The following RXRA variants were observed in gnomAD, a reference collection of about 807,000 sequenced individuals.
The protein encoded by RXRA is retinoid X receptor alpha.
In RXRA, 5 loss-of-function variants were observed where a neutral mutation model predicts 44.5. The observed-to-expected ratio is 0.11, with a 90% CI of 0.06 to 0.24. RXRA has a LOEUF of 0.24. Among genes scored for constraint, RXRA ranks in the 10% least tolerant of loss-of-function variants. RXRA has a pLI of 1.00. For missense variants in RXRA, 412 were observed against 646.5 expected (o/e 0.64, Z 3.93); for synonymous variants, 291 against 271.4 (o/e 1.07, Z -0.71).
At chr9:134,340,944 A>T (rs1166668561) in intron 1 of RXRA, among the ~76,000 whole-genome samples, 1 of 152,168 alleles carries the variant, frequency 6.6e-6, no homozygotes. Flanking sequence ...GGCTTCCTCT[A>T]ATTGTGTGGA....
chr9:134,378,459 G>A (rs1319972280), intron 1 of RXRA, among the ~76,000 whole-genome samples: 1 of 152,242 alleles, frequency 6.6e-6, no homozygotes, highest in African/African-American at 2.4e-5. Context: ...GAGCTGGCCT[G>A]GTCCCGAAGG....
chr9:134,348,528 C>T (rs1023731882), intron 1 of RXRA, among the ~76,000 whole-genome samples: 3 of 152,160 alleles, frequency 2.0e-5, no homozygotes, highest in Non-Finnish European at 4.4e-5. Context: ...AGGCCAGTCA[C>T]GGGCAGAATG....
At chr9:134,381,882 G>A (rs1188379474) in intron 1 of RXRA, among the ~76,000 whole-genome samples, 2 of 152,144 alleles carry the variant, frequency 1.3e-5, no homozygotes, top group African/African-American at 4.8e-5. Flanking sequence ...GGGGCCCACA[G>A]GATGAGTTGG....
chr9:134,347,545 A>G (rs1830168443), intron 1 of RXRA, among the ~76,000 whole-genome samples: 1 of 152,164 alleles, frequency 6.6e-6, no homozygotes, highest in Non-Finnish European at 1.5e-5. Context: ...CCCTGTCCGG[A>G]GGAGCACAAG....
intron 6 of RXRA, chr9:134,423,891 C>T (rs1462647022): frequency 1.0e-6 from 1 of 985,260 alleles, no homozygotes; most frequent in Non-Finnish European, 1.2e-6. Context: ...CCCCAACCCA[C>T]CAGACCGATC....
At chr9:134,352,962 G>A (rs1327899711) in intron 1 of RXRA, among the ~76,000 whole-genome samples, 1 of 152,116 alleles carries the variant, frequency 6.6e-6, no homozygotes, top group African/African-American at 2.4e-5. Context: ...CTGCCTTCTG[G>A]TGCCCACTTG....
intron 1 of RXRA, among the ~76,000 whole-genome samples, chr9:134,335,361 G>A (rs1554747158): frequency 6.6e-6 from 1 of 152,234 alleles, no homozygotes; most frequent in African/African-American, 2.4e-5. Flanking sequence ...GTTGGGTTTT[G>A]AGGGATGAGT....
intron 1 of RXRA, among the ~76,000 whole-genome samples, chr9:134,362,019 T>G (rs1335526212): frequency 2.0e-5 from 3 of 152,148 alleles, no homozygotes; most frequent in African/African-American, 7.2e-5. Context: ...CTGCCATTGG[T>G]GGGAGGAGCC....
At chr9:134,374,962 G>A (rs1431358184) in intron 1 of RXRA, among the ~76,000 whole-genome samples, 1 of 152,220 alleles carries the variant, frequency 6.6e-6, no homozygotes, top group Non-Finnish European at 1.5e-5. Flanking sequence ...TGTCACAATG[G>A]AGTGGCCATG....
Position 134,426,838 on chromosome 9 carries a change from C to T in RXRA, c.911-2270C>T, listed in dbSNP as rs938203692. On this transcript the variant is annotated intron_variant, in intron 6 of 9. Coordinates refer to ENST00000481739, the MANE Select transcript of RXRA (RefSeq NM_002957.6). The surrounding 1 kb of genome is among the most constrained non-coding windows in gnomAD (Gnocchi z 4.6). Reference sequence around the variant, plus strand: ...GTTGTGCCCCAGCCCAGATCTTGTCCTCGGCCCCCTGGGTCCCTGCCCTTG... The same window carrying T: ...GTTGTGCCCCAGCCCAGATCTTGTCTTCGGCCCCCTGGGTCCCTGCCCTTG... 1 of 985,268 alleles carries T rather than the reference C, an allele frequency of 1.0e-6. No homozygotes were observed. Among genetic ancestry groups the T allele is most frequent in the Non-Finnish European group, 1.2e-6 (1 of 829,912 alleles). 61.0% of individuals were successfully genotyped at this position (985,268 alleles called of 1,614,324 possible).
chr9:134,432,770 TC>T (rs1271922868), intron 8 of RXRA, among the ~76,000 whole-genome samples: 1 of 151,946 alleles, frequency 6.6e-6, no homozygotes, highest in East Asian at 1.9e-4. Context: ...GCGGGCCACT[TC>T]CTCCGGGAGC....
intron 7 of RXRA, 77 bp downstream of exon 7, chr9:134,429,317 C>T (rs1257761566): frequency 2.1e-6 from 3 of 1,439,278 alleles, no homozygotes; most frequent in Non-Finnish European, 2.9e-6. Context: ...GCCACCTTGG[C>T]CCCGGTGCAC....
intron 1 of RXRA, among the ~76,000 whole-genome samples, chr9:134,398,972 C>CT (rs1830920823): frequency 6.6e-6 from 1 of 152,268 alleles, no homozygotes; most frequent in African/African-American, 2.4e-5. Flanking sequence ...CTTGTCCCTT[C>CT]TGCCTTGAAG....
chr9:134,362,945 G>A (rs1830370494), intron 1 of RXRA, among the ~76,000 whole-genome samples: 1 of 152,246 alleles, frequency 6.6e-6, no homozygotes, highest in Admixed American at 6.5e-5. Flanking sequence ...AGCCACCTCG[G>A]CTCCATTTGG....
At chr9:134,390,496 G>A (rs1467313471) in intron 1 of RXRA, among the ~76,000 whole-genome samples, 1 of 151,170 alleles carries the variant, frequency 6.6e-6, no homozygotes, top group African/African-American at 2.5e-5. Flanking sequence ...AGCCTGTGGG[G>A]CCTGTGGCGC....
chr9:134,424,359 T>A, intron 6 of RXRA: 1 of 985,300 alleles, frequency 1.0e-6, no homozygotes, highest in Non-Finnish European at 1.2e-6. Flanking sequence ...TTCCGGGAGA[T>A]CTCTGCGGCT....
At chr9:134,397,161 A>G (rs1395904947) in intron 1 of RXRA, among the ~76,000 whole-genome samples, 4 of 152,196 alleles carry the variant, frequency 2.6e-5, no homozygotes, top group South Asian at 4.1e-4. Flanking sequence ...ACTTTGGTCA[A>G]CAGGGTGTCC....
intron 1 of RXRA, among the ~76,000 whole-genome samples, chr9:134,338,083 A>G (rs1554747578): frequency 6.6e-6 from 1 of 152,126 alleles, no homozygotes; most frequent in African/African-American, 2.4e-5. Context: ...GCCACAGACG[A>G]CGTAGGGCTC....
rs778808988 is a variant in RXRA at position 134,408,224 on chromosome 9, G to T, written c.355G>T (p.Val119Phe). Reference protein sequence around the residue: ...PPLGLNGVLKVPAHPSGNMAS... With the variant: ...PPLGLNGVLKFPAHPSGNMAS... ...CCTGGGCCTCAATGGCGTCCTCAAG[G>T]TCCCCGCCCACCCCTCAGGAAACAT... Residue 119 changes from valine to phenylalanine, a missense_variant, in exon 3 of 10, where the codon GTC becomes TTC. Coordinates refer to ENST00000481739, the MANE Select transcript of RXRA (RefSeq NM_002957.6). 2 of 1,611,964 alleles carry T rather than the reference G, an allele frequency of 1.2e-6. No individual in the cohort carries two copies. The highest frequency in any genetic ancestry group is 2.7e-5 in the African/African-American group (2 of 75,022).
Sources: allele counts gnomAD v4.1 joint callset (sites outside exome capture counted in the v4.1 genomes callset), GRCh38; gene constraint gnomAD v4.1.1; non-coding constraint Gnocchi (gnomAD v3.1); transcripts MANE v1.5; gene names NCBI Gene and HGNC (gene_info 2026-07-23, HGNC 2026-07-21).